SP3: variants seen among roughly 807,000 people sequenced by gnomAD.
SP3 encodes transcription factor Sp3.
SP3 carries 10 observed loss-of-function variants against 70.3 expected under a neutral mutation model. The observed-to-expected ratio is 0.14, with a 90% confidence interval of 0.09 to 0.24. SP3 has a LOEUF of 0.24. Among genes scored for constraint, SP3 ranks in the 10% least tolerant of loss-of-function variants. SP3 has a pLI of 1.00. For synonymous variants in SP3, 402 were observed against 333.5 expected, an observed-to-expected ratio of 1.21 and a Z score of -2.24; for missense variants, 825 against 914.6, an observed-to-expected ratio of 0.90 and a Z score of 1.26.
Position 173,913,172 on chromosome 2 carries a change from G to A in SP3, c.1927C>T (p.Arg643Cys), listed in dbSNP as rs1689536865. 1 of 1,613,336 alleles carries A rather than the reference G, an allele frequency of 6.2e-7. No homozygotes were observed. Residue 643 changes from arginine (R) to cysteine (C), a missense_variant, in exon 6 of 7, where the codon CGT becomes TGT. Physicochemically the swap from Arg to Cys is radical, Grantham distance 180. Around this residue, in one of 4 missense-constraint regions of SP3, gnomAD observed 19 missense variants for 99.4 expected, o/e 0.19. Coordinates refer to ENST00000310015, the MANE Select transcript of SP3 (RefSeq NM_003111.5). ...AAAGGGCGTTCTCCAGAATGCCAAC[G>A]CAGATGAGCTCTCAGATGTGAGGTC... ...GKTSHLRAHLRWHSGERPFVC... is the reference protein window; with the variant it reads ...GKTSHLRAHLCWHSGERPFVC...
intron 4 of SP3, among the ~76,000 whole-genome samples, chr2:173,920,433 G>C (rs942583521): frequency 2.0e-5 from 3 of 152,004 alleles, no homozygotes; most frequent in African/African-American, 7.3e-5. Context: ...ATGGACTTTG[G>C]GTGATAATAC....
At chr2:173,927,239 A>C (rs1181314151) in intron 4 of SP3, among the ~76,000 whole-genome samples, 2 of 151,436 alleles carry the variant, frequency 1.3e-5, no homozygotes, top group African/African-American at 2.4e-5. Flanking sequence ...TGAACATGAG[A>C]TTTGGGTGGG....
In SP3 at chr2:173,902,655, T is replaced by A. The variant is rs1380514673; in HGVS notation, c.*7286A>T. The stretch of plus-strand genomic sequence containing the variant: ...TTTAAATGAATGATTTAGAGAAAGA[T>A]GGTAGTGTGGATACATCTCAAAAAC... On this transcript the variant is annotated 3_prime_UTR_variant, in exon 7 of 7. Coordinates refer to ENST00000310015, the MANE Select transcript of SP3 (RefSeq NM_003111.5). Among the ~76,000 whole-genome samples the A allele has an allele frequency of 6.6e-6, 1 of 152,246 alleles. No homozygotes were observed. Among genetic ancestry groups the A allele is most frequent in the Non-Finnish European group, 1.5e-5 (1 of 68,042 alleles).
rs1052321497 is a variant in SP3, at chr2:173,903,850, T to G, written c.*6091A>C. ...CACCCTTTCTGATTCATCCAAGCTATATACTAAGTTCTGCCTTGTCTAAAC... is the reference window on the plus strand; with the variant it reads ...CACCCTTTCTGATTCATCCAAGCTAGATACTAAGTTCTGCCTTGTCTAAAC... On this transcript the variant is annotated 3_prime_UTR_variant, in exon 7 of 7. Coordinates refer to ENST00000310015, the MANE Select transcript of SP3 (RefSeq NM_003111.5). 3.9e-5 allele frequency among the ~76,000 whole-genome samples: 6 copies of G among 152,198 alleles called. No individual in the cohort carries two copies. The highest frequency in any genetic ancestry group is 1.4e-4 in the African/African-American group (6 of 41,446).
chr2:173,962,095 C>G (rs1042703717), intron 3 of SP3, among the ~76,000 whole-genome samples: 1 of 151,964 alleles, frequency 6.6e-6, no homozygotes, highest in African/African-American at 2.4e-5. Context: ...TTTGGTAATT[C>G]AGAAAAGCAG....
Position 173,902,894 on chromosome 2 carries a change from A to T in SP3, c.*7047T>A, listed in dbSNP as rs1169393732. Among the ~76,000 whole-genome samples, 1 of 152,216 alleles carries T rather than the reference A, an allele frequency of 6.6e-6. No individual in the cohort carries two copies. Among genetic ancestry groups the T allele is most frequent in the Admixed American group, 6.5e-5 (1 of 15,278 alleles). On this transcript the variant is annotated 3_prime_UTR_variant, in exon 7 of 7. Transcript: ENST00000310015. Reference sequence around the variant, plus strand: ...AATGAGACAGGGCTATACAGATTTCAGGCACAACTGTGATCATTCCTTTCT... The same window carrying T: ...AATGAGACAGGGCTATACAGATTTCTGGCACAACTGTGATCATTCCTTTCT...
chr2:173,951,426 G>A lies in SP3; in HGVS notation c.1639+3447C>T, dbSNP rs368564575. ...TCATTTAAAAATAAATCCATTACAC[G>A]TTAACATAAATTAACATTTTATGAA... is the stretch of plus-strand genomic sequence containing the variant. On this transcript the variant is annotated intron_variant, in intron 4 of 6. Transcript: ENST00000310015. Among the ~76,000 whole-genome samples, 311 of 152,094 alleles carry A rather than the reference G, an allele frequency of 2.0e-3. 1 individual carries two copies. In the Middle Eastern group the frequency reaches 0.027, roughly 13 times the overall value.
chr2:173,945,780 C>T (rs1690519089), intron 4 of SP3, among the ~76,000 whole-genome samples: 1 of 152,120 alleles, frequency 6.6e-6, no homozygotes, highest in Non-Finnish European at 1.5e-5. Flanking sequence ...CACTGAGAAC[C>T]ACTCCATTAG....
intron 4 of SP3, among the ~76,000 whole-genome samples, chr2:173,953,223 C>T (rs902374109): frequency 6.6e-6 from 1 of 152,248 alleles, no homozygotes; most frequent in Non-Finnish European, 1.5e-5. Context: ...AGTTTGCTGT[C>T]ACTGCCTTGA....
Position 173,955,485 on chromosome 2 carries a change from T to C in SP3, c.1027A>G (p.Ile343Val). ...TSSSSQLPVT[I>V]DSTGILQQNT... ...TGTTGTAATATACCTGTACTATCTATCGTAACAGGCAACTGTGATGAAGAG... is the reference window on the plus strand; with the variant it reads ...TGTTGTAATATACCTGTACTATCTACCGTAACAGGCAACTGTGATGAAGAG... The change falls in exon 4 of 7, where the codon ATA becomes GTA. Residue 343 changes from isoleucine (I) to valine (V), a missense_variant. Physicochemically the swap from Ile to Val is conservative, Grantham distance 29. Coordinates refer to ENST00000310015, the MANE Select transcript of SP3 (RefSeq NM_003111.5). The C allele has an allele frequency of 1.2e-6, 2 of 1,614,158 alleles. No homozygotes were observed. The highest frequency in any genetic ancestry group is 1.6e-4 in the Middle Eastern group (1 of 6,062).
In SP3 at chr2:173,909,605, C is replaced by T; in HGVS notation, c.*336G>A. The T allele has an allele frequency of 6.0e-6, 1 of 165,804 alleles. No individual in the cohort carries two copies. Among genetic ancestry groups the T allele is most frequent in the Non-Finnish European group, 1.3e-5 (1 of 76,050 alleles). The allele number at this position is 165,804 out of a possible 1,614,324, so 10.3% of individuals were successfully genotyped here. ...TTTTTATCTTACAATAGATAAATAC[C>T]AACATGTTCTCATTTTTACACTAAA... is the stretch of plus-strand genomic sequence containing the variant. On this transcript the variant is annotated 3_prime_UTR_variant, in exon 7 of 7. Transcript: ENST00000310015.
At position 173,965,070 on chromosome 2, in the gene SP3, G is replaced by C. The variant is rs186565516; in HGVS notation, c.7+95C>G. On this transcript the variant is annotated intron_variant, in intron 1 of 6. Transcript: ENST00000310015. ...TCACAGACACTCGGTCGCACACACG[G>C]GGCCGAGACCGGCGGCAGCGGCCCC... is the stretch of plus-strand genomic sequence containing the variant. 10,857 of 1,492,764 alleles carry C rather than the reference G, an allele frequency of 7.3e-3. 207 individuals carry two copies. Among genetic ancestry groups the C allele is most frequent in the South Asian group, 0.048 (3,890 of 81,716 alleles). The allele number at this position is 1,492,764 out of a possible 1,614,324, so 92.5% of individuals were successfully genotyped here.
chr2:173,909,333 A>C lies in SP3; in HGVS notation c.*608T>G, dbSNP rs1379825136. 1 of 152,516 alleles carries C rather than the reference A, an allele frequency of 6.6e-6. No individual in the cohort carries two copies. Among genetic ancestry groups the C allele is most frequent in the African/African-American group, 2.4e-5 (1 of 41,464 alleles). 9.4% of individuals were successfully genotyped at this position (152,516 alleles called of 1,614,324 possible). ...TTTCAACAGGATTTAAAAGGTGACT[A>C]TCCCTAGAGTTCCATGTTAAAATGT... On this transcript the variant is annotated 3_prime_UTR_variant, in exon 7 of 7. Coordinates refer to ENST00000310015, the MANE Select transcript of SP3 (RefSeq NM_003111.5).
chr2:173,925,857 TACCAG>T (rs751388125), intron 4 of SP3, among the ~76,000 whole-genome samples: 7 of 152,216 alleles, frequency 4.6e-5, no homozygotes, highest in Non-Finnish European at 8.8e-5. Context: ...AAAGCTGTTC[TACCAG>T]GTTAAAATAG....
intron 3 of SP3, among the ~76,000 whole-genome samples, chr2:173,959,057 G>A (rs1359714491): frequency 6.6e-6 from 1 of 152,094 alleles, no homozygotes; most frequent in Non-Finnish European, 1.5e-5. Flanking sequence ...TATATTTACT[G>A]AATGAAAAGT....
At chr2:173,956,817 C>T (rs1256849950) in intron 3 of SP3, among the ~76,000 whole-genome samples, 2 of 152,142 alleles carry the variant, frequency 1.3e-5, no homozygotes, top group Non-Finnish European at 2.9e-5. Context: ...AGTCATTGCC[C>T]TGTGACCACA....
chr2:173,946,733 T>C (rs1401515813), intron 4 of SP3, among the ~76,000 whole-genome samples: 1 of 151,460 alleles, frequency 6.6e-6, no homozygotes, highest in Non-Finnish European at 1.5e-5. Context: ...TTTTTTTTTT[T>C]TTTTTTTAAG....
chr2:173,941,921 T>C (rs1273094642), intron 4 of SP3, among the ~76,000 whole-genome samples: 1 of 152,210 alleles, frequency 6.6e-6, no homozygotes, highest in Non-Finnish European at 1.5e-5. Flanking sequence ...CAGTAAGTAG[T>C]TTTTAGTCTA....
rs1401955824 is a variant in SP3, at chr2:173,955,601, T to C, written c.911A>G (p.Asp304Gly). Residue 304 changes from aspartate (D) to glycine (G), a missense_variant, in exon 4 of 7, where the codon GAT becomes GGT. Around this residue, in one of 4 missense-constraint regions of SP3, gnomAD observed 678 missense variants for 651.6 expected, o/e 1.04. Transcript: ENST00000310015. ...AGTCCTTTCTGAATTGTCTGAACTA[T>C]CCATAGCTTGTCCTGTGTTTATCAA... ...GHLINTGQAM[D>G]SSDNSERTGE... The C allele has an allele frequency of 3.7e-6, 6 of 1,613,998 alleles. No homozygotes were observed. Among genetic ancestry groups the C allele is most frequent in the East Asian group, 2.2e-5 (1 of 44,902 alleles).
Sources: allele counts gnomAD v4.1 joint callset (sites outside exome capture counted in the v4.1 genomes callset), GRCh38; gene constraint gnomAD v4.1.1; regional missense constraint gnomAD v4.1.1; transcripts MANE v1.5; gene names NCBI Gene and HGNC (gene_info 2026-07-23, HGNC 2026-07-21).